SMARCA4: variants seen among roughly 807,000 people sequenced by gnomAD.
SMARCA4 encodes the protein SWI/SNF related BAF chromatin remodeling complex subunit ATPase 4, also known as SWI/SNF-related matrix-associated actin-dependent regulator of chromatin subfamily A member 4.
Under a neutral mutation model 193.9 loss-of-function variants are expected in SMARCA4, and 31 were observed. The observed-to-expected ratio is 0.16, with a 90% CI of 0.12 to 0.22. The LOEUF is 0.22. SMARCA4 is among the 10% of genes least tolerant of loss of function. The pLI is 1.00. For synonymous variants in SMARCA4, 942 were observed against 933.1 expected (o/e 1.01, Z -0.17); for missense variants, 1,148 against 2,296.0 (o/e 0.50, Z 10.22).
At chr19:11,029,187 G>T (rs1416620572) in intron 24 of SMARCA4, among the ~76,000 whole-genome samples, 1 of 152,150 alleles carries the variant, frequency 6.6e-6, no homozygotes, top group Non-Finnish European at 1.5e-5. Context: ...GGTCCTCATG[G>T]CCGGGCCACC....
chr19:10,969,980 A>T (rs1252247661), intron 1 of SMARCA4, among the ~76,000 whole-genome samples: 1 of 152,090 alleles, frequency 6.6e-6, no homozygotes, highest in Non-Finnish European at 1.5e-5. Context: ...GGCCGCACCC[A>T]CTTGCCCTCT....
At position 11,058,413 on chromosome 19, in the gene SMARCA4, G is replaced by C; in HGVS notation, c.4533+50G>C. 4 of 1,279,168 alleles carry C rather than the reference G, an allele frequency of 3.1e-6. No homozygotes were observed. Among genetic ancestry groups the C allele is most frequent in the Non-Finnish European group, 4.5e-6 (4 of 880,076 alleles). 79.2% of individuals were successfully genotyped at this position (1,279,168 alleles called of 1,614,324 possible). On this transcript the variant is annotated intron_variant, in intron 31 of 34. Coordinates refer to ENST00000344626, the MANE Select transcript of SMARCA4 (RefSeq NM_003072.5). This position sits in a 1 kb window ranked among gnomAD's most constrained non-coding sequence, Gnocchi z 5.8. ...CCCGCATGTGCCCGGAGGGGAGTCT[G>C]ACCCAGGGGCACCCCCATCTGAGAG...
chr19:11,015,232 C>T (rs1293628419), intron 16 of SMARCA4, among the ~76,000 whole-genome samples: 1 of 152,202 alleles, frequency 6.6e-6, no homozygotes, highest in Non-Finnish European at 1.5e-5. Context: ...ATAACATGGA[C>T]GTAGGACTAA....
chr19:10,986,422 C>T lies in SMARCA4; in HGVS notation c.589C>T (p.Pro197Ser), dbSNP rs200664441. ...GATGCTGGCCAGGGGGCAGCCCCTC[C>T]CCGACCACCTGCAGATGGCGGTGCA... ...YKMLARGQPLPDHLQMAVQGK... is the reference protein window; with the variant it reads ...YKMLARGQPLSDHLQMAVQGK... Residue 197 changes from proline to serine, a missense_variant, in exon 4 of 35, where the codon CCC (proline) becomes TCC (serine). Physicochemically the swap from Pro to Ser is moderately conservative, Grantham distance 74 (BLOSUM62 -1). This residue lies in a region of SMARCA4 where 257 missense variants were observed against 276.5 expected (regional missense o/e 0.93). Transcript: ENST00000344626. The surrounding 1 kb of genome is among the most constrained non-coding windows in gnomAD (Gnocchi z 6.7). 3,066 of 1,577,668 alleles carry T rather than the reference C, an allele frequency of 1.9e-3. 17 individuals are homozygous for T. Among genetic ancestry groups the T allele is most frequent in the South Asian group, 7.1e-3 (615 of 86,882 alleles).
Position 10,989,450 on chromosome 19 carries a change from G to T in SMARCA4, c.1245+7G>T. 1 of 1,613,818 alleles carries T rather than the reference G, an allele frequency of 6.2e-7. No homozygotes were observed. Among genetic ancestry groups the T allele is most frequent in the Non-Finnish European group, 8.5e-7 (1 of 1,179,868 alleles). On this transcript the variant is annotated splice_region_variant and intron_variant, in intron 7 of 34. Coordinates refer to ENST00000344626, the MANE Select transcript of SMARCA4 (RefSeq NM_003072.5). ...GCTGAACTTCCAGAGGCAGGTGGGT[G>T]CTGGCATGGCCGCAGCTTTCCGAAA...
rs570645934 is a variant in SMARCA4 at position 11,061,437 on chromosome 19, G to A, written c.4912-347G>A. Among the ~76,000 whole-genome samples, 27 of 151,820 alleles carry A rather than the reference G, an allele frequency of 1.8e-4. No homozygotes were observed. The South Asian group carries it at 3.5e-3, about 20-fold the overall frequency. Reference sequence around the variant, plus strand: ...CATGAAGTTTGGGCATGGCCATGGCGCCATCTCGGCTCACTGCAAGCTCCA... The same window carrying A: ...CATGAAGTTTGGGCATGGCCATGGCACCATCTCGGCTCACTGCAAGCTCCA... On this transcript the variant is annotated intron_variant, in intron 34 of 34. Transcript: ENST00000344626.
intron 1 of SMARCA4, among the ~76,000 whole-genome samples, chr19:10,977,080 CA>C (rs750302416): frequency 4.0e-4 from 61 of 152,224 alleles, no homozygotes; most frequent in Non-Finnish European, 8.1e-4. Context: ...AAACAAATAA[CA>C]AGAACAAAAT....
rs998492658 is a variant in SMARCA4, at chr19:11,047,246, G to A, written c.4424+5686G>A. Among the ~76,000 whole-genome samples the A allele has an allele frequency of 7.9e-5, 12 of 152,196 alleles. No homozygotes were observed. In the South Asian group the frequency reaches 1.0e-3, roughly 13 times the overall value. ...AATCAACCAAGGCAAGAGATGTATG[G>A]GGCCTCTTGGGGGCCAAGGTGGGCG... On this transcript the variant is annotated intron_variant, in intron 30 of 34. Transcript: ENST00000344626.
chr19:11,048,849 G>T (rs12052058), intron 30 of SMARCA4, among the ~76,000 whole-genome samples: 26,992 of 152,180 alleles, frequency 0.18, 3,006 homozygotes, highest in South Asian at 0.25. Context: ...GTGTACAGTT[G>T]TCTTGCCTGG....
intron 30 of SMARCA4, among the ~76,000 whole-genome samples, chr19:11,055,853 C>T (rs2076518417): frequency 6.6e-6 from 1 of 152,186 alleles, no homozygotes; most frequent in South Asian, 2.1e-4. Context: ...GTTGGCCTCC[C>T]AAAGTGCTGG....
At chr19:11,026,492 C>G (rs1054883874) in intron 23 of SMARCA4, 146 bp downstream of exon 23, 2 of 523,782 alleles carry the variant, frequency 3.8e-6, no homozygotes, top group African/African-American at 4.1e-5. Context: ...GCAAATAATA[C>G]AAATCTTTTT....
At chr19:11,044,608 C>T (rs542397023) in intron 30 of SMARCA4, among the ~76,000 whole-genome samples, 1 of 152,302 alleles carries the variant, frequency 6.6e-6, no homozygotes, top group East Asian at 1.9e-4. Flanking sequence ...AGCACCCGCC[C>T]CAGAACGGCC....
chr19:11,021,273 C>A (rs543859296), intron 18 of SMARCA4: 2 of 344,640 alleles, frequency 5.8e-6, no homozygotes, highest in South Asian at 2.2e-5. Flanking sequence ...GGCCCCTACC[C>A]CATGGGGCCC....
chr19:10,975,014 ATTCTTT>A (rs2085013055), intron 1 of SMARCA4, among the ~76,000 whole-genome samples: 2 of 106,290 alleles, frequency 1.9e-5, no homozygotes, highest in South Asian at 5.8e-4. Context: ...ATATATAGTT[ATTCTTT>A]TTTTTTTTTT....
In SMARCA4 at chr19:10,984,896, T is replaced by C. The variant is rs2085881037; in HGVS notation, c.223-377T>C. ...GTCACAAGTCTCTTTTGCATGTCCC[T>C]GGATGTGGTTAGAGGACATATTCCC... On this transcript the variant is annotated intron_variant, in intron 2 of 34. Coordinates refer to ENST00000344626, the MANE Select transcript of SMARCA4 (RefSeq NM_003072.5). The surrounding 1 kb of genome is among the most constrained non-coding windows in gnomAD (Gnocchi z 4.3). 6.6e-6 allele frequency among the ~76,000 whole-genome samples: 1 copy of C among 152,200 alleles called. No individual in the cohort carries two copies. Among genetic ancestry groups the C allele is most frequent in the African/African-American group, 2.4e-5 (1 of 41,454 alleles).
intron 1 of SMARCA4, among the ~76,000 whole-genome samples, chr19:10,976,802 C>T (rs1299875784): frequency 2.0e-5 from 3 of 148,150 alleles, no homozygotes; most frequent in Middle Eastern, 3.4e-3. Context: ...CATCTGTAAT[C>T]CTAGCACTTT....
rs1477395136 is a variant in SMARCA4 at position 11,019,571 on chromosome 19, G to A, written c.2506-20G>A. 3 of 1,569,662 alleles carry A rather than the reference G, an allele frequency of 1.9e-6. No individual in the cohort carries two copies. Among genetic ancestry groups the A allele is most frequent in the Non-Finnish European group, 8.7e-7 (1 of 1,145,626 alleles). On this transcript the variant is annotated intron_variant, in intron 17 of 34. Coordinates refer to ENST00000344626, the MANE Select transcript of SMARCA4 (RefSeq NM_003072.5). The surrounding 1 kb of genome is among the most constrained non-coding windows in gnomAD (Gnocchi z 6.1). ...CACCCGGCTCCAAAAGCCGAGCTGTGCATCCTGCTTCCCTTGCAGGGATCC... is the reference window on the plus strand; with the variant it reads ...CACCCGGCTCCAAAAGCCGAGCTGTACATCCTGCTTCCCTTGCAGGGATCC...
intron 30 of SMARCA4, among the ~76,000 whole-genome samples, chr19:11,050,882 G>A (rs532190365): frequency 1.3e-5 from 2 of 152,340 alleles, no homozygotes; most frequent in East Asian, 3.9e-4. Flanking sequence ...CTGGCCCTTG[G>A]CCTGTGGTTC....
At chr19:11,001,173 T>G (rs1287807336) in intron 11 of SMARCA4, among the ~76,000 whole-genome samples, 1 of 152,018 alleles carries the variant, frequency 6.6e-6, no homozygotes, top group African/African-American at 2.4e-5. Flanking sequence ...TCCGAGGACC[T>G]TTTTCTAAGT....
Sources: allele counts gnomAD v4.1 joint callset (sites outside exome capture counted in the v4.1 genomes callset), GRCh38; gene constraint gnomAD v4.1.1; regional missense constraint gnomAD v4.1.1; non-coding constraint Gnocchi (gnomAD v3.1); transcripts MANE v1.5; gene names NCBI Gene and HGNC (gene_info 2026-07-23, HGNC 2026-07-21).